CSPP1: variants seen among roughly 807,000 people sequenced by gnomAD.
CSPP1 encodes centrosome and spindle pole associated protein 1.
In CSPP1, 126 loss-of-function variants were observed where a neutral mutation model predicts 164.4. The observed-to-expected ratio is 0.77, with a 90% confidence interval of 0.66 to 0.89. The LOEUF is 0.89. Among genes scored for constraint, CSPP1 ranks in the 40% least tolerant of loss-of-function variants. The pLI, the probability that CSPP1 is intolerant of heterozygous loss-of-function variation, is 0.00. For missense variants in CSPP1, 1,395 were observed against 1,449.8 expected, an observed-to-expected ratio of 0.96 and a Z score of 0.61; for synonymous variants, 472 against 476.7, an observed-to-expected ratio of 0.99 and a Z score of 0.13.
At chr8:67,164,028 G>A (rs1299165429) in intron 23 of CSPP1, among the ~76,000 whole-genome samples, 2 of 152,142 alleles carry the variant, frequency 1.3e-5, no homozygotes, top group African/African-American at 2.4e-5. Flanking sequence ...GTTTTTACAT[G>A]CATTTATGTA....
chr8:67,188,261 A>G (rs2129574609), intron 28 of CSPP1, among the ~76,000 whole-genome samples: 1 of 152,352 alleles, frequency 6.6e-6, no homozygotes, highest in South Asian at 2.1e-4. Context: ...ATAACAAGAC[A>G]AAGGATGCTA....
At chr8:67,068,352 C>T (rs1806020760) in intron 1 of CSPP1, among the ~76,000 whole-genome samples, 1 of 152,154 alleles carries the variant, frequency 6.6e-6, no homozygotes, top group Non-Finnish European at 1.5e-5. Context: ...TTCAATTAAA[C>T]TATTTTCCTG....
chr8:67,133,608 G>C (rs1171732683), intron 16 of CSPP1: 1 of 152,276 alleles, frequency 6.6e-6, no homozygotes, highest in Non-Finnish European at 1.5e-5. Flanking sequence ...TGATCAGGGT[G>C]GCAGTTGCTG....
chr8:67,132,157 C>A, intron 16 of CSPP1, 77 bp downstream of exon 16: 1 of 1,371,572 alleles, frequency 7.3e-7, no homozygotes, highest in Non-Finnish European at 9.8e-7. Flanking sequence ...CAGAGTGTGG[C>A]CGGGGAGGGG....
chr8:67,089,138 T>TA (rs1811094708), intron 4 of CSPP1, among the ~76,000 whole-genome samples: 1 of 152,132 alleles, frequency 6.6e-6, no homozygotes, highest in East Asian at 1.9e-4. Flanking sequence ...ATTTGAGTTT[T>TA]TAAAAAAAAT....
intron 8 of CSPP1, among the ~76,000 whole-genome samples, chr8:67,103,618 G>A (rs1466825707): frequency 1.3e-5 from 2 of 150,960 alleles, no homozygotes; most frequent in Non-Finnish European, 3.0e-5. Context: ...TGGCCAACAT[G>A]GTGAAACCCA....
At position 67,070,643 on chromosome 8, in the gene CSPP1, A is replaced by G. The variant is rs143822302; in HGVS notation, c.-10-3600A>G. Reference sequence around the variant, plus strand: ...GAGCGAGACCTCATCTCTAAAAAACAAAAAACAACAAAAGAAATTGGCCAG... The same window carrying G: ...GAGCGAGACCTCATCTCTAAAAAACGAAAAACAACAAAAGAAATTGGCCAG... On this transcript the variant is annotated intron_variant, in intron 1 of 30. Coordinates refer to ENST00000678616, the MANE Select transcript of CSPP1 (RefSeq NM_001382391.1). Among the ~76,000 whole-genome samples the G allele has an allele frequency of 1.9e-3, 292 of 151,772 alleles. 1 individual carries two copies. The highest frequency in any genetic ancestry group is 6.7e-3 in the African/African-American group (279 of 41,458).
chr8:67,098,795 T>G (rs1052865396), intron 7 of CSPP1, among the ~76,000 whole-genome samples: 1 of 152,154 alleles, frequency 6.6e-6, no homozygotes, highest in Admixed American at 6.5e-5. Flanking sequence ...TGTTAATGAA[T>G]AAAAGAAGTT....
intron 3 of CSPP1, chr8:67,080,857 A>G (rs1408943992): frequency 6.6e-6 from 1 of 152,278 alleles, no homozygotes; most frequent in Non-Finnish European, 1.5e-5. Flanking sequence ...GTGACAGGAT[A>G]CAGAATATTG....
chr8:67,159,900 CTT>C (rs1330762999), intron 21 of CSPP1, among the ~76,000 whole-genome samples: 4 of 66,752 alleles, frequency 6.0e-5, no homozygotes, highest in Non-Finnish European at 8.2e-5. Flanking sequence ...TTCTTTCTTT[CTT>C]TCTTTCTTTC....
At chr8:67,109,892 G>C (rs1563578905) in intron 9 of CSPP1, among the ~76,000 whole-genome samples, 1 of 152,114 alleles carries the variant, frequency 6.6e-6, no homozygotes, top group African/African-American at 2.4e-5. Flanking sequence ...GTAGGAGTTT[G>C]AGTAACTTAT....
Position 67,190,712 on chromosome 8 carries a change from C to A in CSPP1, c.3283C>A (p.Pro1095Thr), listed in dbSNP as rs1835980887. 1 of 1,614,114 alleles carries A rather than the reference C, an allele frequency of 6.2e-7. No homozygotes were observed. Among genetic ancestry groups the A allele is most frequent in the Non-Finnish European group, 8.5e-7 (1 of 1,179,992 alleles). The part of the protein sequence containing the change: ...DDVLPPPSQL[P>T]SARERRRNKW... ...CGTCCTCCCTCCACCATCACAGTTG[C>A]CCTCTGCACGGGAGCGCAGGAGGAA... Residue 1095 changes from proline to threonine, a missense_variant, in exon 29 of 31, where the codon CCC (proline) becomes ACC (threonine). Coordinates refer to ENST00000678616, the MANE Select transcript of CSPP1 (RefSeq NM_001382391.1).
Position 67,159,896 on chromosome 8 carries a change from CTTTCTTTCTTTCTTTCTTTCTTT to C in CSPP1, c.2538+760_2538+782del, listed in dbSNP as rs1219670221. On this transcript the variant is annotated intron_variant, in intron 21 of 30. Transcript: ENST00000678616. ...TCTTTCTTTCTTTCTTTCTTTCTTTCTTTCTTTCTTTCTTTCTTTCTTTCTTTCCTTTCCTTCCTTCCTTCCTT... is the reference window on the plus strand; with the variant it reads ...TCTTTCTTTCTTTCTTTCTTTCTTTCCTTTCCTTTCCTTCCTTCCTTCCTT... 3.1e-3 allele frequency among the ~76,000 whole-genome samples: 211 copies of C among 67,188 alleles called. 7 individuals carry two copies. The highest frequency in any genetic ancestry group is 4.7e-3 in the Non-Finnish European group (171 of 36,726). The allele number at this position is 67,188 out of a possible 152,430, so 44.1% of individuals were successfully genotyped here.
intron 3 of CSPP1, among the ~76,000 whole-genome samples, chr8:67,082,121 C>T (rs1413838709): frequency 6.6e-6 from 1 of 152,166 alleles, no homozygotes; most frequent in Non-Finnish European, 1.5e-5. Context: ...GATCTCGGCT[C>T]ACTGCAACCT....
At chr8:67,140,799 A>T (rs1435019891) in intron 17 of CSPP1, among the ~76,000 whole-genome samples, 1 of 152,138 alleles carries the variant, frequency 6.6e-6, no homozygotes, top group Non-Finnish European at 1.5e-5. Context: ...TGACTCAGGG[A>T]TCCATTGTTT....
chr8:67,122,077 A>G (rs1586279986), intron 15 of CSPP1, among the ~76,000 whole-genome samples: 1 of 151,802 alleles, frequency 6.6e-6, no homozygotes, highest in East Asian at 1.9e-4. Flanking sequence ...CATTCTTCCC[A>G]TCACAGAATT....
chr8:67,111,915 C>G (rs1242078685), intron 9 of CSPP1, 57 bp from the exon 10 acceptor site: 2 of 1,054,284 alleles, frequency 1.9e-6, no homozygotes, highest in Non-Finnish European at 2.8e-6. Context: ...ACTTAACTTT[C>G]TAATTGCATA....
At chr8:67,172,583 T>C (rs781560835) in intron 25 of CSPP1, 28 bp downstream of exon 25, 12 of 1,590,028 alleles carry the variant, frequency 7.5e-6, no homozygotes, top group South Asian at 1.1e-5. Flanking sequence ...CTTTTAAAGA[T>C]GTAGCAGAAG....
intron 10 of CSPP1, among the ~76,000 whole-genome samples, chr8:67,112,758 G>T (rs987160161): frequency 1.3e-5 from 2 of 152,090 alleles, no homozygotes; most frequent in African/African-American, 4.8e-5. Context: ...AATATTAACT[G>T]TCAAAAAATA....
Sources: allele counts gnomAD v4.1 joint callset (sites outside exome capture counted in the v4.1 genomes callset), GRCh38; gene constraint gnomAD v4.1.1; transcripts MANE v1.5; gene names NCBI Gene and HGNC (gene_info 2026-07-23, HGNC 2026-07-21).